Variants in TM9SF2 observed in about 807,000 individuals in gnomAD.
TM9SF2 encodes 76 kDa membrane protein.
TM9SF2 carries 13 observed loss-of-function variants against 84.9 expected under a neutral mutation model. That is an observed-to-expected ratio of 0.15 (90% CI 0.10 to 0.24). The LOEUF (loss-of-function observed/expected upper bound fraction) is 0.24, where lower values mean the gene tolerates loss of function less well. Ranked by LOEUF, TM9SF2 falls within the 10% of genes least tolerant of loss-of-function variation. The pLI is 1.00. For synonymous variants in TM9SF2, 273 were observed against 285.8 expected, an observed-to-expected ratio of 0.96 and a Z score of 0.45; for missense variants, 562 against 818.5, an observed-to-expected ratio of 0.69 and a Z score of 3.82.
intron 1 of TM9SF2, 34 bp downstream of exon 1, chr13:99,501,811 G>C (rs1406873455): frequency 6.3e-7 from 1 of 1,578,752 alleles, no homozygotes; most frequent in Admixed American, 2.0e-5. Flanking sequence ...CTGATGCACT[G>C]TTGGAAGGGG....
intron 3 of TM9SF2, among the ~76,000 whole-genome samples, chr13:99,523,781 A>G (rs1266132206): frequency 6.6e-6 from 1 of 152,228 alleles, no homozygotes; most frequent in Non-Finnish European, 1.5e-5. Context: ...AGGAGACAAA[A>G]TAAATTACCA....
At chr13:99,537,891 CAAGTAT>C (rs747998093) in intron 6 of TM9SF2, 28 bp downstream of exon 6, 2 of 1,588,440 alleles carry the variant, frequency 1.3e-6, no homozygotes, top group African/African-American at 2.7e-5. Flanking sequence ...AAAAAGTAAA[CAAGTAT>C]AAGTGAAATT....
chr13:99,519,872 T>C (rs76955004), intron 2 of TM9SF2, among the ~76,000 whole-genome samples, 164 bp from the exon 3 acceptor site: 1,591 of 152,336 alleles, frequency 0.01, 28 homozygotes, highest in African/African-American at 0.036. Context: ...TGTTTTTTTA[T>C]GAGGAGAGAT....
At chr13:99,562,453 G>T (rs757277238) in intron 16 of TM9SF2, among the ~76,000 whole-genome samples, 7 of 152,166 alleles carry the variant, frequency 4.6e-5, no homozygotes, top group Non-Finnish European at 1.0e-4. Context: ...AATGTGTATT[G>T]TAGAAAGCTT....
At chr13:99,532,212 G>T (rs960377208) in intron 4 of TM9SF2, among the ~76,000 whole-genome samples, 1 of 151,416 alleles carries the variant, frequency 6.6e-6, no homozygotes, top group African/African-American at 2.4e-5. Context: ...CCACCATGCC[G>T]GCTAATTTTT....
intron 4 of TM9SF2, among the ~76,000 whole-genome samples, chr13:99,530,017 G>T (rs779905230): frequency 2.0e-4 from 30 of 151,538 alleles, no homozygotes; most frequent in Non-Finnish European, 4.0e-4. Flanking sequence ...TATTAAGTGT[G>T]CAATAACATT....
intron 3 of TM9SF2, among the ~76,000 whole-genome samples, chr13:99,528,915 A>T (rs2139087292): frequency 6.6e-6 from 1 of 152,318 alleles, no homozygotes; most frequent in Non-Finnish European, 1.5e-5. Flanking sequence ...TAAAAGATGG[A>T]ATTATGGCTG....
At chr13:99,546,043 T>C (rs2046281085) in intron 10 of TM9SF2, among the ~76,000 whole-genome samples, 2 of 152,216 alleles carry the variant, frequency 1.3e-5, no homozygotes, top group Non-Finnish European at 2.9e-5. Context: ...GGGCAGTCCA[T>C]TTTTCAGGTC....
In TM9SF2 at chr13:99,509,327, C is replaced by T. The variant is rs189630692; in HGVS notation, c.171+7550C>T. On this transcript the variant is annotated intron_variant, in intron 1 of 16. Transcript: ENST00000376387. The stretch of plus-strand genomic sequence containing the variant: ...ACAGCTCCACTAGGCAGTACCCTGG[C>T]GGGGACTCTGAATGGGGCTCCAACA... Among the ~76,000 whole-genome samples the T allele has an allele frequency of 3.7e-4, 56 of 152,314 alleles. No homozygotes were observed. The East Asian group carries it at 3.9e-3, about 10-fold the overall frequency.
intron 2 of TM9SF2, 58 bp downstream of exon 2, chr13:99,517,739 A>T: frequency 8.2e-7 from 1 of 1,217,358 alleles, no homozygotes; most frequent in East Asian, 2.5e-5. Flanking sequence ...AGAATTTTGT[A>T]CATTGAGAAC....
rs1018299132 is a variant in TM9SF2 at position 99,547,217 on chromosome 13, G to T, written c.1270+113G>T. 7.6e-5 allele frequency: 110 copies of T among 1,450,256 alleles called. 1 individual carries two copies. Among genetic ancestry groups the T allele is most frequent in the African/African-American group, 2.8e-5 (2 of 70,798 alleles). The allele number at this position is 1,450,256 out of a possible 1,614,324, so 89.8% of individuals were successfully genotyped here. ...TTTGTAAATAGTGTGCCTCATAGGG[G>T]TCTGTTCTTAGTTAAAAGGAGCCTG... is the stretch of plus-strand genomic sequence containing the variant. On this transcript the variant is annotated intron_variant, in intron 11 of 16. Coordinates refer to ENST00000376387, the MANE Select transcript of TM9SF2 (RefSeq NM_004800.3).
At chr13:99,536,341 G>A (rs1459840012) in intron 4 of TM9SF2, among the ~76,000 whole-genome samples, 1 of 149,286 alleles carries the variant, frequency 6.7e-6, no homozygotes, top group African/African-American at 2.5e-5. Context: ...AAATGAAGCA[G>A]TGCTGTACCT....
At chr13:99,508,312 C>T (rs983062788) in intron 1 of TM9SF2, among the ~76,000 whole-genome samples, 1 of 151,578 alleles carries the variant, frequency 6.6e-6, no homozygotes, top group African/African-American at 2.4e-5. Context: ...AGTCATCTGT[C>T]TCTATTTAAG....
chr13:99,545,595 C>T (rs1415173083), intron 10 of TM9SF2, among the ~76,000 whole-genome samples: 1 of 151,272 alleles, frequency 6.6e-6, no homozygotes, highest in Non-Finnish European at 1.5e-5. Context: ...TGAGACGGAG[C>T]CTCGCTCTGT....
chr13:99,501,958 C>G (rs975874710), intron 1 of TM9SF2, among the ~76,000 whole-genome samples, 181 bp downstream of exon 1: 1 of 152,134 alleles, frequency 6.6e-6, no homozygotes, highest in Admixed American at 6.5e-5. Flanking sequence ...ACAGCCCTTG[C>G]AAGGGTAGTT....
intron 15 of TM9SF2, among the ~76,000 whole-genome samples, chr13:99,558,825 TAGTGA>T (rs1290840475): frequency 9.2e-5 from 14 of 152,304 alleles, no homozygotes; most frequent in South Asian, 4.1e-4. Flanking sequence ...GCAAGAGAGA[TAGTGA>T]AGTGTTCTCT....
At chr13:99,531,491 A>T (rs1337656969) in intron 4 of TM9SF2, among the ~76,000 whole-genome samples, 2 of 150,722 alleles carry the variant, frequency 1.3e-5, no homozygotes, top group African/African-American at 4.9e-5. Flanking sequence ...CTCCTCCTCC[A>T]CCCCACCCAA....
In TM9SF2 at chr13:99,549,155, T is replaced by C; in HGVS notation, c.1271-10T>C. On this transcript the variant is annotated splice_polypyrimidine_tract_variant and intron_variant, in intron 11 of 16. Coordinates refer to ENST00000376387, the MANE Select transcript of TM9SF2 (RefSeq NM_004800.3). ...ATCTGTATTTATACAACTTTTGTTT[T>C]CTTCTATAGCCTTTGGAGGTGAGAA... 6.2e-7 allele frequency: 1 copy of C among 1,610,524 alleles called. No individual in the cohort carries two copies. Among genetic ancestry groups the C allele is most frequent in the South Asian group, 1.1e-5 (1 of 90,328 alleles).
chr13:99,558,482 C>T (rs2046332802), intron 15 of TM9SF2, among the ~76,000 whole-genome samples: 1 of 152,170 alleles, frequency 6.6e-6, no homozygotes, highest in Non-Finnish European at 1.5e-5. Context: ...TTCCATTTGC[C>T]TAGGTCTTCT....
Sources: allele counts gnomAD v4.1 joint callset (sites outside exome capture counted in the v4.1 genomes callset), GRCh38; gene constraint gnomAD v4.1.1; transcripts MANE v1.5; gene names NCBI Gene and HGNC (gene_info 2026-07-23, HGNC 2026-07-21).